ERMP1: variants seen among roughly 807,000 people sequenced by gnomAD.
ERMP1 encodes the protein endoplasmic reticulum metallopeptidase 1.
A neutral mutation model predicts 92.0 loss-of-function variants in ERMP1; 86 were observed. The observed-to-expected ratio is 0.93, with a 90% CI of 0.79 to 1.12. The LOEUF (loss-of-function observed/expected upper bound fraction) is 1.12, where lower values mean the gene tolerates loss of function less well. ERMP1 is among the 50% of genes most tolerant of loss of function. The pLI, the probability that ERMP1 is intolerant of heterozygous loss-of-function variation, is 0.00. For synonymous variants in ERMP1, 530 were observed against 412.8 expected (o/e 1.28, Z -3.44); for missense variants, 1,342 against 1,116.3 (o/e 1.20, Z -2.88).
intron 5 of ERMP1, among the ~76,000 whole-genome samples, chr9:5,860,341 A>G (rs1457607490): frequency 6.6e-6 from 1 of 152,082 alleles, no homozygotes; most frequent in African/African-American, 2.4e-5. Flanking sequence ...ACTGGGATAA[A>G]TGCACTGTCA....
At chr9:5,808,760 T>C (rs1379285788) in intron 8 of ERMP1, among the ~76,000 whole-genome samples, 1 of 152,160 alleles carries the variant, frequency 6.6e-6, no homozygotes, top group Non-Finnish European at 1.5e-5. Flanking sequence ...TTGTTTGAGA[T>C]AGGGTCTCAC....
Position 5,848,273 on chromosome 9 carries a change from A to C in ERMP1, n.3199+11195T>G, listed in dbSNP as rs557536209. 5.9e-5 allele frequency among the ~76,000 whole-genome samples: 9 copies of C among 152,228 alleles called. 1 individual carries two copies. The South Asian group carries it at 1.5e-3, about 25-fold the overall frequency. On this transcript the variant is annotated intron_variant and non_coding_transcript_variant, in intron 6 of 6. Coordinates refer to the ERMP1 transcript ENST00000690753. ...ATGGATCTTTATGAAGGAAAGCGGG[A>C]AGTAGGAGAGTAAGAGAAGGAGACA...
Position 5,830,803 on chromosome 9 carries a change from T to A in ERMP1, c.564A>T (p.Val188=). The change falls in exon 2 of 15, where the codon GTA becomes GTT. Residue 188 remains valine, a synonymous_variant. Transcript: ENST00000339450. ...GGGCTCCATCTCTGGGTTCCAGCTT[T>A]ACCACAACATTGGTGATGTTGTCAT... ...SYYDNITNVV[V]KLEPRDGAQH... is the part of the protein sequence containing the mutation. 1 of 1,614,192 alleles carries A rather than the reference T, an allele frequency of 6.2e-7. No homozygotes were observed. The highest frequency in any genetic ancestry group is 1.1e-5 in the South Asian group (1 of 91,086).
At chr9:5,851,617 A>C (rs1479616084) in intron 6 of ERMP1, among the ~76,000 whole-genome samples, 1 of 152,160 alleles carries the variant, frequency 6.6e-6, no homozygotes, top group Admixed American at 6.6e-5. Context: ...CAAGGATCTT[A>C]AAGGAACTTC....
In ERMP1 at chr9:5,832,864, C is replaced by G; in HGVS notation, c.164G>C (p.Gly55Ala). Reference sequence around the variant, plus strand: ...GCCCCTGCTCGCGCCGCCGCTACCCCCGGGGCTCCTCTTCCGCGTCCTCCC... The same window carrying G: ...GCCCCTGCTCGCGCCGCCGCTACCCGCGGGGCTCCTCTTCCGCGTCCTCCC... ...GGGRTRKRSP[G>A]GSGGASRGAG... is the part of the protein sequence containing the mutation. Residue 55 changes from glycine (G) to alanine (A), a missense_variant, in exon 1 of 15, where the codon GGG becomes GCG. Gly to Ala is a moderately conservative substitution (Grantham distance 60). Coordinates refer to ENST00000339450, the MANE Select transcript of ERMP1 (RefSeq NM_024896.3). 2 of 1,521,454 alleles carry G rather than the reference C, an allele frequency of 1.3e-6. No individual in the cohort carries two copies. The highest frequency in any genetic ancestry group is 1.7e-6 in the Non-Finnish European group (2 of 1,143,690). The allele number at this position is 1,521,454 out of a possible 1,614,324, so 94.2% of individuals were successfully genotyped here.
intron 5 of ERMP1, among the ~76,000 whole-genome samples, chr9:5,860,837 C>A (rs1040831866): frequency 1.3e-5 from 2 of 152,094 alleles, no homozygotes; most frequent in Admixed American, 6.6e-5. Context: ...CTGCCTCAGT[C>A]TCCCAGTAAT....
chr9:5,825,162 G>T lies in ERMP1; in HGVS notation c.698C>A (p.Ser233Ter). The change falls in exon 3 of 15, where the codon TCA becomes TAA. Residue 233 changes from serine (S) to a stop codon, truncating the protein, a stop_gained. Transcript: ENST00000339450. LOFTEE classifies it high-confidence loss of function. ...SVMLEVLRVL[S>*]TSSEALHHAV... ...ATGATGCAAGGCTTCTGAAGATGTT[G>T]ACAAGACGCGAAGGACTTCCAGCAT... 1 of 1,614,082 alleles carries T rather than the reference G, an allele frequency of 6.2e-7. No individual in the cohort carries two copies. Among genetic ancestry groups the T allele is most frequent in the South Asian group, 1.1e-5 (1 of 91,052 alleles).
At chr9:5,791,253 AG>A (rs1458793895) in intron 13 of ERMP1, 1 of 456,946 alleles carries the variant, frequency 2.2e-6, no homozygotes, top group Admixed American at 2.3e-5. Flanking sequence ...GAGGCTGGCA[AG>A]TCCAAAATCT....
chr9:5,806,147 A>T (rs939722230), intron 8 of ERMP1, among the ~76,000 whole-genome samples: 1 of 152,222 alleles, frequency 6.6e-6, no homozygotes, highest in African/African-American at 2.4e-5. Flanking sequence ...CACTGTTTCA[A>T]GCAAACTAGA....
At chr9:5,849,380 A>G (rs1241492911) in intron 6 of ERMP1, among the ~76,000 whole-genome samples, 1 of 152,184 alleles carries the variant, frequency 6.6e-6, no homozygotes, top group African/African-American at 2.4e-5. Flanking sequence ...ATACTAATCT[A>G]GCACCTTCAT....
rs1417201598 is a variant in ERMP1 at position 5,852,503 on chromosome 9, G to A, written n.3199+6965C>T. On this transcript the variant is annotated intron_variant and non_coding_transcript_variant, in intron 6 of 6. Coordinates refer to the ERMP1 transcript ENST00000690753. Reference sequence around the variant, plus strand: ...ACTCCTGGGCTCAAGTAATCCAGCTGCCTCAGCCTTTGAAAGTGCTGGGAT... The same window carrying A: ...ACTCCTGGGCTCAAGTAATCCAGCTACCTCAGCCTTTGAAAGTGCTGGGAT... 3.9e-5 allele frequency among the ~76,000 whole-genome samples: 6 copies of A among 151,950 alleles called. No homozygotes were observed. The South Asian group carries it at 1.0e-3, about 26-fold the overall frequency.
At chr9:5,813,187 T>G (rs1264019920) in intron 4 of ERMP1, 152 bp from the exon 5 acceptor site, 1 of 720,626 alleles carries the variant, frequency 1.4e-6, no homozygotes, top group Non-Finnish European at 2.3e-6. Flanking sequence ...TAGTTTCCAA[T>G]GTTTCTCTGA....
chr9:5,790,676 G>A (rs1828153235), intron 13 of ERMP1, among the ~76,000 whole-genome samples: 2 of 152,070 alleles, frequency 1.3e-5, no homozygotes, highest in African/African-American at 4.8e-5. Context: ...TATAAAAGGG[G>A]CACTTTTTAA....
At chr9:5,805,496 T>A (rs116623795) in intron 9 of ERMP1, 115 bp downstream of exon 9, 17 of 946,564 alleles carry the variant, frequency 1.8e-5, no homozygotes, top group Non-Finnish European at 2.4e-5. Flanking sequence ...TGAAAACTTT[T>A]AAAAACTAAC....
chr9:5,821,000 T>G (rs1310993918), intron 4 of ERMP1, among the ~76,000 whole-genome samples: 2 of 152,128 alleles, frequency 1.3e-5, no homozygotes. Context: ...CTCCAAAACC[T>G]AGAGGGAGAA....
At position 5,832,889 on chromosome 9, in the gene ERMP1, CGCCGCCGCTGCACCCATCCACCAG is replaced by C; in HGVS notation, c.115_138del (p.Leu39_Gly46del). 6.5e-7 allele frequency: 1 copy of C among 1,540,384 alleles called. No homozygotes were observed. The highest frequency in any genetic ancestry group is 8.7e-7 in the Non-Finnish European group (1 of 1,153,804). On this transcript the variant is annotated inframe_deletion, in exon 1 of 15. Coordinates refer to ENST00000339450, the MANE Select transcript of ERMP1 (RefSeq NM_024896.3). ...CCGGGGCTCCTCTTCCGCGTCCTCC[CGCCGCCGCTGCACCCATCCACCAG>C]AGGCTCCTGCGCTCGGGCCTCCCTC...
intron 6 of ERMP1, among the ~76,000 whole-genome samples, chr9:5,850,327 C>A (rs570978970): frequency 1.2e-4 from 15 of 128,420 alleles, no homozygotes; most frequent in South Asian, 7.8e-4. Flanking sequence ...ACTGCTTGAA[C>A]CTGGGAGGTG....
chr9:5,811,451 T>A, intron 6 of ERMP1, 128 bp from the exon 7 acceptor site: 1 of 699,964 alleles, frequency 1.4e-6, no homozygotes, highest in Admixed American at 3.0e-5. Context: ...AATGAAGAAA[T>A]GGTTAGAAAG....
At position 5,785,209 on chromosome 9, in the gene ERMP1, G is replaced by GT. The variant is rs1168856287; in HGVS notation, c.*1934_*1935insA. 2 of 152,010 alleles carry GT rather than the reference G, an allele frequency of 1.3e-5. No homozygotes were observed. The highest frequency in any genetic ancestry group is 4.8e-5 in the African/African-American group (2 of 41,372). The allele number at this position is 152,010 out of a possible 1,614,324, so 9.4% of individuals were successfully genotyped here. A position where few individuals can be genotyped will look rare whatever the true frequency, so the allele number is the denominator to read the frequency against. ...CAGGGAAATAACCCTAAGGCAATAT[G>GT]AAAACAGTCATAATTTATTACTGAT... is the stretch of plus-strand genomic sequence containing the variant. On this transcript the variant is annotated 3_prime_UTR_variant, in exon 15 of 15. Coordinates refer to ENST00000339450, the MANE Select transcript of ERMP1 (RefSeq NM_024896.3).
Sources: gnomAD v4.1 joint callset for allele counts (sites outside exome capture counted in the v4.1 genomes callset) on GRCh38, gnomAD v4.1.1 for gene constraint, MANE v1.5 for transcripts, NCBI Gene and HGNC (gene_info 2026-07-23, HGNC 2026-07-21) for gene names.